The following RANBP2 variants were observed in gnomAD, a reference collection of about 807,000 sequenced individuals.
The protein encoded by RANBP2 is E3 SUMO-protein ligase RanBP2.
Under a neutral mutation model 303.6 loss-of-function variants are expected in RANBP2, and 57 were observed. The observed-to-expected ratio is 0.19, with a 90% CI of 0.15 to 0.23. The LOEUF (loss-of-function observed/expected upper bound fraction) is 0.23, where lower values mean the gene tolerates loss of function less well. Among genes scored for constraint, RANBP2 ranks in the 10% least tolerant of loss-of-function variants. RANBP2 has a pLI of 1.00. For missense variants in RANBP2, 3,138 were observed against 3,780.8 expected, an observed-to-expected ratio of 0.83 and a Z score of 4.46; for synonymous variants, 1,167 against 1,301.5, an observed-to-expected ratio of 0.90 and a Z score of 2.23.
At chr2:109,235,749 C>T in the RANBP2 span, among the ~76,000 whole-genome samples, 3 of 152,230 alleles carry the variant, frequency 2.0e-5, no homozygotes, top group Admixed American at 6.5e-5. Flanking sequence ...CTGATGACAA[C>T]ACTTGTTAGA....
chr2:109,127,661 A>G, the RANBP2 span: 2 of 152,338 alleles, frequency 1.3e-5, no homozygotes, highest in South Asian at 2.1e-4. Context: ...CCTGGGCAAC[A>G]TAAGGAGACC....
the RANBP2 span, among the ~76,000 whole-genome samples, chr2:109,706,042 C>A: frequency 2.2e-4 from 34 of 152,268 alleles, no homozygotes; most frequent in African/African-American, 6.5e-4. Flanking sequence ...CATGCCCCAC[C>A]TATTAGAATA....
chr2:109,278,192 A>G, the RANBP2 span, among the ~76,000 whole-genome samples: 1 of 149,966 alleles, frequency 6.7e-6, no homozygotes, highest in Non-Finnish European at 1.5e-5. Flanking sequence ...AAAAAAAATC[A>G]ATTTCAGTAA....
the RANBP2 span, among the ~76,000 whole-genome samples, chr2:108,931,980 G>A: frequency 5.9e-5 from 9 of 152,088 alleles, no homozygotes; most frequent in Non-Finnish European, 1.3e-4. Flanking sequence ...ACACAGCCCA[G>A]AAGACCAGCT....
the RANBP2 span, among the ~76,000 whole-genome samples, chr2:109,451,182 C>G: frequency 2.0e-5 from 3 of 152,248 alleles, no homozygotes; most frequent in South Asian, 4.1e-4. Context: ...AGGTCTGCTC[C>G]AGCCTAACAG....
At chr2:108,846,687 A>T in the RANBP2 span, 1 of 1,491,950 alleles carries the variant, frequency 6.7e-7, no homozygotes, top group Non-Finnish European at 9.2e-7. Context: ...AAAAAAAAAG[A>T]TATATTCTGA....
the RANBP2 span, among the ~76,000 whole-genome samples, chr2:108,987,106 G>C: frequency 6.6e-6 from 1 of 152,210 alleles, no homozygotes; most frequent in Admixed American, 6.5e-5. Flanking sequence ...AAGCAGCAAG[G>C]CTGTCTGCCA....
chr2:109,643,377 T>A, the RANBP2 span, among the ~76,000 whole-genome samples: 2 of 152,134 alleles, frequency 1.3e-5, no homozygotes, highest in Non-Finnish European at 2.9e-5. Context: ...TCCCAGACGG[T>A]TAAGCATTAT....
the RANBP2 span, among the ~76,000 whole-genome samples, chr2:109,143,729 G>A: frequency 2.6e-5 from 4 of 151,854 alleles, no homozygotes; most frequent in Non-Finnish European, 2.9e-5. Context: ...ACTCCAGCCT[G>A]GGCAACAGAG....
chr2:109,412,348 G>T, the RANBP2 span, among the ~76,000 whole-genome samples: 1 of 152,212 alleles, frequency 6.6e-6, no homozygotes, highest in Admixed American at 6.5e-5. Context: ...GCTTCAGGCA[G>T]GCCACCCTCC....
the RANBP2 span, among the ~76,000 whole-genome samples, chr2:109,162,223 C>G: frequency 1.3e-5 from 2 of 152,110 alleles, no homozygotes. Context: ...GCTTGATCTC[C>G]TTAGAAAGTC....
chr2:109,455,459 C>T, the RANBP2 span, among the ~76,000 whole-genome samples: 1 of 152,162 alleles, frequency 6.6e-6, no homozygotes, highest in African/African-American at 2.4e-5. Flanking sequence ...TGGTCTGGGG[C>T]GTGGAGTCTG....
chr2:109,444,208 A>G, the RANBP2 span, among the ~76,000 whole-genome samples: 2 of 152,268 alleles, frequency 1.3e-5, no homozygotes. Flanking sequence ...GCTGAATGAA[A>G]TGAAAAAGAA....
the RANBP2 span, among the ~76,000 whole-genome samples, chr2:109,293,993 G>C: frequency 6.6e-6 from 1 of 152,300 alleles, no homozygotes; most frequent in Non-Finnish European, 1.5e-5. Flanking sequence ...AGGGGGCAGT[G>C]CTTGGCCGAG....
chr2:109,424,456 T>C, the RANBP2 span, among the ~76,000 whole-genome samples: 146 of 149,844 alleles, frequency 9.7e-4, no homozygotes, highest in Admixed American at 4.0e-3. Flanking sequence ...CACTTCACTT[T>C]GTTGTGCCTC....
the RANBP2 span, among the ~76,000 whole-genome samples, chr2:109,189,351 G>A: frequency 3.4e-5 from 5 of 146,468 alleles, no homozygotes; most frequent in East Asian, 8.1e-4. Context: ...AGGAACTTAC[G>A]TGTTCAGTCG....
the RANBP2 span, among the ~76,000 whole-genome samples, chr2:109,046,382 A>T: frequency 7.8e-6 from 1 of 128,176 alleles, no homozygotes; most frequent in African/African-American, 2.7e-5. Flanking sequence ...TTTTTTTTTA[A>T]ACTTACTTTT....
At chr2:109,672,003 TCTC>T in the RANBP2 span, among the ~76,000 whole-genome samples, 1 of 148,848 alleles carries the variant, frequency 6.7e-6, no homozygotes, top group Non-Finnish European at 1.5e-5. Context: ...TTCTATACTT[TCTC>T]CTCCTCCTCC....
the RANBP2 span, among the ~76,000 whole-genome samples, chr2:109,278,414 C>G: frequency 1.3e-5 from 2 of 152,156 alleles, no homozygotes; most frequent in Admixed American, 6.5e-5. Flanking sequence ...GGGATAATTT[C>G]ATCTAACTTG....
Sources: gnomAD v4.1 joint callset for allele counts (sites outside exome capture counted in the v4.1 genomes callset) on GRCh38, gnomAD v4.1.1 for gene constraint, MANE v1.5 for transcripts, NCBI Gene and HGNC (gene_info 2026-07-23, HGNC 2026-07-21) for gene names.